Variants in KAZN observed in about 807,000 individuals in gnomAD.
KAZN encodes kazrin, periplakin interacting protein.
In KAZN, 40 loss-of-function variants were observed where a neutral mutation model predicts 87.4. The observed-to-expected ratio is 0.46, with a 90% CI of 0.36 to 0.60. KAZN has a LOEUF of 0.60. Ranked by LOEUF, KAZN falls within the 20% of genes least tolerant of loss-of-function variation. The pLI is 0.00. For synonymous variants in KAZN, 466 were observed against 458.3 expected, an observed-to-expected ratio of 1.02 and a Z score of -0.22; for missense variants, 898 against 1,073.9, an observed-to-expected ratio of 0.84 and a Z score of 2.29.
chr1:14,459,027 G>T (rs914030739), intron 2 of KAZN, among the ~76,000 whole-genome samples: 1 of 152,058 alleles, frequency 6.6e-6, no homozygotes, highest in African/African-American at 2.4e-5. Context: ...TGTCAAACTG[G>T]GTGGCCCCGT....
chr1:15,052,151 ATG>A (rs555170004), intron 4 of KAZN, among the ~76,000 whole-genome samples: 1 of 151,236 alleles, frequency 6.6e-6, no homozygotes, highest in African/African-American at 2.4e-5. Flanking sequence ...ACGTGTGTGT[ATG>A]TGTGTGTGTG....
rs151034215 is a variant in KAZN at position 14,545,325 on chromosome 1, G to A, written c.250-53658G>A. On this transcript the variant is annotated intron_variant, in intron 2 of 16. Transcript: ENST00000636203. Reference sequence around the variant, plus strand: ...AAGAATGTCCTTTCTTCTCCTCCATGTGCAACACCCACCACTTTTCCAAAC... The same window carrying A: ...AAGAATGTCCTTTCTTCTCCTCCATATGCAACACCCACCACTTTTCCAAAC... Among the ~76,000 whole-genome samples the A allele has an allele frequency of 1.1e-3, 164 of 152,250 alleles. 4 individuals carry two copies. The East Asian group carries it at 0.029, about 27-fold the overall frequency.
At chr1:14,571,705 G>GTGAGAC (rs1157856340) in intron 2 of KAZN, among the ~76,000 whole-genome samples, 1 of 152,188 alleles carries the variant, frequency 6.6e-6, no homozygotes, top group Non-Finnish European at 1.5e-5. Context: ...AGTATGGACT[G>GTGAGAC]TGAGACTCCG....
At chr1:14,484,114 C>T (rs1349863723) in intron 2 of KAZN, among the ~76,000 whole-genome samples, 5 of 152,112 alleles carry the variant, frequency 3.3e-5, no homozygotes, top group Non-Finnish European at 7.4e-5. Flanking sequence ...TCTGTTCTGA[C>T]GGTCTATGTG....
intron 1 of KAZN, among the ~76,000 whole-genome samples, chr1:13,923,588 A>AAAAAAAAAAAG (rs1553174046): frequency 7.1e-6 from 1 of 139,884 alleles, no homozygotes; most frequent in African/African-American, 2.8e-5. Flanking sequence ...AAAAAAAAAA[A>AAAAAAAAAAAG]AAAATATAAT....
chr1:14,362,360 G>A (rs964709115), intron 2 of KAZN, among the ~76,000 whole-genome samples: 3 of 152,242 alleles, frequency 2.0e-5, no homozygotes, highest in Non-Finnish European at 4.4e-5. Context: ...GCAACTCACA[G>A]TGTGGCAACT....
chr1:14,531,469 A>G (rs147787240), intron 2 of KAZN, among the ~76,000 whole-genome samples: 4 of 152,288 alleles, frequency 2.6e-5, no homozygotes, highest in African/African-American at 9.6e-5. Context: ...AGAACCCATC[A>G]GGATCACGTT....
rs1241601694 is a variant in KAZN, at chr1:14,252,467, T to C, written c.249+71875T>C. Among the ~76,000 whole-genome samples, 23 of 152,208 alleles carry C rather than the reference T, an allele frequency of 1.5e-4. 1 individual carries two copies. Among genetic ancestry groups the C allele is most frequent in the Admixed American group, 1.5e-3 (23 of 15,284 alleles). Reference sequence around the variant, plus strand: ...ATTGCACTGGCTTCCTGTCTGTTTCTCAATCTTGCCAGGGCCTTTCCTACC... The same window carrying C: ...ATTGCACTGGCTTCCTGTCTGTTTCCCAATCTTGCCAGGGCCTTTCCTACC... On this transcript the variant is annotated intron_variant, in intron 2 of 16. Transcript: ENST00000636203.
intron 1 of KAZN, among the ~76,000 whole-genome samples, chr1:14,843,311 C>T (rs1031261871): frequency 5.3e-5 from 8 of 152,182 alleles, no homozygotes; most frequent in African/African-American, 1.7e-4. Flanking sequence ...AGGGACCCAT[C>T]TGGATGGGTG....
At chr1:14,701,953 G>A (rs1641946482) in intron 1 of KAZN, among the ~76,000 whole-genome samples, 1 of 152,122 alleles carries the variant, frequency 6.6e-6, no homozygotes, top group Admixed American at 6.5e-5. Flanking sequence ...CTGCCTCCCT[G>A]ATTGTCAGCA....
intron 1 of KAZN, among the ~76,000 whole-genome samples, chr1:14,657,077 CTTTTTTTTT>C (rs35046893): frequency 0.082 from 6,898 of 83,696 alleles, 264 homozygotes; most frequent in Middle Eastern, 0.17. Flanking sequence ...AAGAGAGAGG[CTTTTTTTTT>C]TTTTTTTTTT....
chr1:15,086,778 A>C (rs187182111), intron 8 of KAZN, among the ~76,000 whole-genome samples: 5 of 152,366 alleles, frequency 3.3e-5, no homozygotes, highest in Admixed American at 3.3e-4. Context: ...CTTACTATTT[A>C]GGATGGCATT....
At chr1:13,962,286 G>A (rs561178461) in intron 1 of KAZN, among the ~76,000 whole-genome samples, 7 of 152,226 alleles carry the variant, frequency 4.6e-5, no homozygotes, top group Admixed American at 4.6e-4. Flanking sequence ...AGGCCAGAGA[G>A]TTGGGGGAGG....
At chr1:14,325,022 A>G (rs71629874) in intron 2 of KAZN, among the ~76,000 whole-genome samples, 12,524 of 152,244 alleles carry the variant, frequency 0.082, 975 homozygotes, top group African/African-American at 0.21. Flanking sequence ...ACTTCTATGT[A>G]CAGAATTTTC....
intron 1 of KAZN, among the ~76,000 whole-genome samples, chr1:14,614,971 G>A (rs543659484): frequency 6.6e-6 from 1 of 152,320 alleles, no homozygotes; most frequent in East Asian, 1.9e-4. Flanking sequence ...GGATAATGCT[G>A]GTCCTGACCT....
At chr1:13,969,325 T>G (rs1322615398) in intron 1 of KAZN, among the ~76,000 whole-genome samples, 2 of 152,196 alleles carry the variant, frequency 1.3e-5, no homozygotes. Flanking sequence ...ACTAGAATAG[T>G]GTGGGCTCTT....
At chr1:14,078,041 A>C (rs1448966629) in intron 1 of KAZN, among the ~76,000 whole-genome samples, 1 of 152,196 alleles carries the variant, frequency 6.6e-6, no homozygotes, top group Non-Finnish European at 1.5e-5. Flanking sequence ...GTTTTAAGCC[A>C]CTTTGTTGTG....
chr1:14,628,630 G>A (rs559355583), intron 1 of KAZN, among the ~76,000 whole-genome samples: 5 of 152,290 alleles, frequency 3.3e-5, no homozygotes, highest in Admixed American at 1.3e-4. Context: ...TGCCGGGCCA[G>A]ATACAGAATC....
intron 1 of KAZN, among the ~76,000 whole-genome samples, chr1:14,868,334 G>A (rs951488583): frequency 1.3e-5 from 2 of 152,194 alleles, no homozygotes. Flanking sequence ...AATTGCTATT[G>A]CATCTATTGG....
Sources: gnomAD v4.1 joint callset for allele counts (sites outside exome capture counted in the v4.1 genomes callset) on GRCh38, gnomAD v4.1.1 for gene constraint, MANE v1.5 for transcripts, NCBI Gene and HGNC (gene_info 2026-07-23, HGNC 2026-07-21) for gene names.